TYW1: variants seen among roughly 807,000 people sequenced by gnomAD.
TYW1 encodes the protein tRNA-yW synthesizing protein 1 homolog, also known as S-adenosyl-L-methionine-dependent tRNA 4-demethylwyosine synthase TYW1.
In TYW1, 46 loss-of-function variants were observed where a neutral mutation model predicts 96.2. The observed-to-expected ratio is 0.48, with a 90% CI of 0.38 to 0.61. The LOEUF is 0.61. TYW1 is among the 20% of genes least tolerant of loss of function. The probability of loss-of-function intolerance (pLI) is 0.00; values close to 1 mark genes in which losing one functional copy is unlikely to be tolerated. For missense variants in TYW1, 684 were observed against 909.6 expected (o/e 0.75, Z 3.19); for synonymous variants, 274 against 323.0 (o/e 0.85, Z 1.63).
chr7:67,192,955 C>A (rs1393686614), intron 14 of TYW1, among the ~76,000 whole-genome samples: 1 of 152,132 alleles, frequency 6.6e-6, no homozygotes, highest in Non-Finnish European at 1.5e-5. Context: ...TTTGATCATG[C>A]TTGCTTGTGG....
rs183295014 is a variant in TYW1 at position 67,007,044 on chromosome 7, G to A, written c.274-2539G>A. ...AGGGGAGGGCGGCAAGCTGAGGTAG[G>A]AAAGTAGAGTCTGGAGACAGAGCCT... On this transcript the variant is annotated intron_variant, in intron 3 of 15. Coordinates refer to ENST00000359626, the MANE Select transcript of TYW1 (RefSeq NM_018264.4). 2.9e-3 allele frequency among the ~76,000 whole-genome samples: 419 copies of A among 146,650 alleles called. 4 individuals are homozygous for A. The highest frequency in any genetic ancestry group is 4.4e-3 in the Non-Finnish European group (293 of 67,192).
At chr7:67,142,876 AC>A (rs758516639) in intron 13 of TYW1, among the ~76,000 whole-genome samples, 2 of 151,194 alleles carry the variant, frequency 1.3e-5, no homozygotes, top group South Asian at 2.1e-4. Flanking sequence ...ACATGGTGAA[AC>A]CCCATCTCTA....
intron 4 of TYW1, among the ~76,000 whole-genome samples, chr7:67,012,633 T>C (rs963431752): frequency 6.6e-6 from 1 of 152,164 alleles, no homozygotes; most frequent in Non-Finnish European, 1.5e-5. Context: ...TGAGAATCCC[T>C]GAACCGCAAA....
At chr7:67,026,623 A>G (rs1455944437) in intron 7 of TYW1, among the ~76,000 whole-genome samples, 1 of 151,972 alleles carries the variant, frequency 6.6e-6, no homozygotes, top group East Asian at 1.9e-4. Context: ...ATAAACATGG[A>G]ATAATAGTTA....
chr7:67,160,667 C>T (rs1430222281), intron 13 of TYW1, among the ~76,000 whole-genome samples: 2 of 149,992 alleles, frequency 1.3e-5, no homozygotes, highest in African/African-American at 5.0e-5. Context: ...TTTCGGCTCA[C>T]TACCACCTCT....
intron 15 of TYW1, among the ~76,000 whole-genome samples, chr7:67,201,127 CA>C (rs1028317686): frequency 8.1e-4 from 123 of 151,778 alleles, no homozygotes; most frequent in African/African-American, 2.9e-3. Flanking sequence ...GGCAGCATTA[CA>C]GGGGATGGAT....
At chr7:67,049,809 A>G in intron 7 of TYW1, 140 bp from the exon 8 acceptor site, 1 of 998,756 alleles carries the variant, frequency 1.0e-6, no homozygotes, top group African/African-American at 1.6e-5. Context: ...GGCCTCCTAA[A>G]ATGCTGGGAT....
At chr7:67,218,073 G>A (rs1172154856) in intron 15 of TYW1, among the ~76,000 whole-genome samples, 1 of 151,398 alleles carries the variant, frequency 6.6e-6, no homozygotes, top group African/African-American at 2.4e-5. Context: ...TGGCCAGGCT[G>A]GTCTCGAACT....
rs1388836169 is a variant in TYW1, at chr7:67,011,068, G to A, written c.375+1384G>A. On this transcript the variant is annotated intron_variant, in intron 4 of 15. Transcript: ENST00000359626. ...ATGTCTTTTTTTTTAATGGAGTTTC[G>A]CTCTTGTTGCCCAGGCTGGAGTGCA... Among the ~76,000 whole-genome samples the A allele has an allele frequency of 5.3e-5, 8 of 151,938 alleles. No individual in the cohort carries two copies. The East Asian group carries it at 5.9e-4, about 11-fold the overall frequency.
At chr7:67,158,552 C>T (rs565747871) in intron 13 of TYW1, among the ~76,000 whole-genome samples, 1 of 152,122 alleles carries the variant, frequency 6.6e-6, no homozygotes, top group South Asian at 2.1e-4. Flanking sequence ...CCCAGCTGGT[C>T]AGCAGGTATA....
intron 11 of TYW1, among the ~76,000 whole-genome samples, chr7:67,088,857 A>G (rs1024336726): frequency 1.3e-5 from 2 of 152,234 alleles, no homozygotes; most frequent in African/African-American, 4.8e-5. Flanking sequence ...GGTGTGAACC[A>G]CTGCACCTGG....
intron 14 of TYW1, among the ~76,000 whole-genome samples, chr7:67,194,025 T>G (rs1447674461): frequency 6.6e-6 from 1 of 152,098 alleles, no homozygotes; most frequent in Admixed American, 6.6e-5. Context: ...TAAGATTTAT[T>G]TGAAGAAATA....
chr7:67,036,742 A>T (rs1440069741), intron 7 of TYW1, among the ~76,000 whole-genome samples: 3 of 152,246 alleles, frequency 2.0e-5, no homozygotes, highest in African/African-American at 7.2e-5. Context: ...GGCCAAAGAG[A>T]AGACAGGATT....
At chr7:67,091,378 C>T (rs983813874) in intron 11 of TYW1, among the ~76,000 whole-genome samples, 2 of 130,094 alleles carry the variant, frequency 1.5e-5, no homozygotes, top group African/African-American at 6.0e-5. Context: ...AACACTTAGA[C>T]ATAGGAAGGG....
chr7:67,174,227 A>T (rs1563055240), intron 13 of TYW1, among the ~76,000 whole-genome samples: 1 of 152,150 alleles, frequency 6.6e-6, no homozygotes. Flanking sequence ...CCCCCATTAC[A>T]AAAGTTTTAC....
chr7:67,050,645 G>T (rs1795324669), intron 8 of TYW1, among the ~76,000 whole-genome samples: 1 of 151,976 alleles, frequency 6.6e-6, no homozygotes, highest in South Asian at 2.1e-4. Context: ...GTGCACTAGA[G>T]AAATATATAT....
intron 15 of TYW1, among the ~76,000 whole-genome samples, chr7:67,202,710 T>G (rs923311307): frequency 5.9e-5 from 9 of 152,306 alleles, no homozygotes; most frequent in African/African-American, 2.2e-4. Context: ...CAATTTCTAC[T>G]AATAATCCCG....
chr7:67,118,836 C>T (rs561431904), intron 13 of TYW1, among the ~76,000 whole-genome samples: 151 of 136,422 alleles, frequency 1.1e-3, no homozygotes, highest in Non-Finnish European at 8.5e-4. Flanking sequence ...GCCGAGATTG[C>T]GCCACTGCAC....
intron 13 of TYW1, among the ~76,000 whole-genome samples, chr7:67,124,555 G>A (rs1797861182): frequency 6.6e-6 from 1 of 152,078 alleles, no homozygotes; most frequent in South Asian, 2.1e-4. Context: ...TAGTTTATAT[G>A]TTGTGAACAA....
Sources: allele counts gnomAD v4.1 joint callset (sites outside exome capture counted in the v4.1 genomes callset), GRCh38; gene constraint gnomAD v4.1.1; transcripts MANE v1.5; gene names NCBI Gene and HGNC (gene_info 2026-07-23, HGNC 2026-07-21).